The following PCDHGA1 variants were observed in gnomAD, a reference collection of about 807,000 sequenced individuals.
PCDHGA1 encodes the protein protocadherin gamma subfamily A, 1.
PCDHGA1 carries 32 observed loss-of-function variants against 58.0 expected under a neutral mutation model. The ratio of observed to expected loss-of-function variants is 0.55; its 90% CI spans 0.42 to 0.74. PCDHGA1 has a LOEUF of 0.74. PCDHGA1 is among the 30% of genes least tolerant of loss of function. PCDHGA1 has a pLI of 0.00. For missense variants in PCDHGA1, 1,205 were observed against 1,182.3 expected (o/e 1.02, Z -0.28); for synonymous variants, 498 against 501.1 (o/e 0.99, Z 0.08).
At chr5:141,409,331 G>A (rs1447189643) in intron 1 of PCDHGA1, 1 of 1,613,818 alleles carries the variant, frequency 6.2e-7, no homozygotes, top group African/African-American at 1.3e-5. Context: ...TCTGGATTTC[G>A]GAGGAAATGG....
chr5:141,341,027 G>T lies in PCDHGA1; in HGVS notation c.2421+7922G>T, dbSNP rs374361232. On this transcript the variant is annotated intron_variant, in intron 1 of 3. Coordinates refer to ENST00000517417, the MANE Select transcript of PCDHGA1 (RefSeq NM_018912.3). ...CCTCGAGCCCTCCGCCATACCCAAC[G>T]ATTCGGACCTCACTCTGTACCTGGT... 6.8e-6 allele frequency: 11 copies of T among 1,614,034 alleles called. No homozygotes were observed. In the South Asian group the frequency reaches 8.8e-5, roughly 13 times the overall value.
chr5:141,404,109 TCCAGGAGAATCTATCTTTTA>T, intron 1 of PCDHGA1: 1 of 1,613,518 alleles, frequency 6.2e-7, no homozygotes, highest in East Asian at 2.2e-5. Flanking sequence ...GTCTGTTCTA[TCCAGGAGAATCTATCTTTTA>T]CATTAGAAAA....
chr5:141,371,078 C>A (rs776361776), intron 1 of PCDHGA1: 1 of 1,613,770 alleles, frequency 6.2e-7, no homozygotes, highest in African/African-American at 1.3e-5. Context: ...CCACCCAGAT[C>A]AGGGTAATTG....
At chr5:141,405,407 C>A (rs1252757330) in intron 1 of PCDHGA1, 3 of 1,582,052 alleles carry the variant, frequency 1.9e-6, no homozygotes, top group Non-Finnish European at 2.6e-6. Flanking sequence ...TCTTTCTTTT[C>A]TTTTTTTGTT....
At chr5:141,393,270 C>A in intron 1 of PCDHGA1, 1 of 1,613,916 alleles carries the variant, frequency 6.2e-7, no homozygotes, top group East Asian at 2.2e-5. Context: ...AGCACGTTAT[C>A]CACTCCCAGA....
intron 1 of PCDHGA1, chr5:141,345,830 C>G (rs1367186879): frequency 6.2e-7 from 1 of 1,613,454 alleles, no homozygotes; most frequent in African/African-American, 1.3e-5. Flanking sequence ...GAGACTCGGG[C>G]CAGAACGCCT....
At chr5:141,339,536 A>G (rs761884444) in intron 1 of PCDHGA1, 2 of 1,614,178 alleles carry the variant, frequency 1.2e-6, no homozygotes, top group Non-Finnish European at 1.7e-6. Flanking sequence ...AGCTGATGGG[A>G]ACAAGTACCC....
intron 1 of PCDHGA1, among the ~76,000 whole-genome samples, chr5:141,407,609 TG>T (rs2094960291): frequency 1.3e-5 from 2 of 152,162 alleles, no homozygotes; most frequent in Admixed American, 1.3e-4. Flanking sequence ...AAAGAAGCAT[TG>T]GTTGACATTC....
chr5:141,486,869 C>G lies in PCDHGA1; in HGVS notation c.2422-7938C>G. On this transcript the variant is annotated intron_variant, in intron 1 of 3. Transcript: ENST00000517417. This position sits in a 1 kb window ranked among gnomAD's most constrained non-coding sequence, Gnocchi z 5.0. ...CCTCAATGACAATGCTCCAGCTGTG[C>G]TCCGTCCTCGGGCCCGGCCTGGTTC... The G allele has an allele frequency of 6.2e-7, 1 of 1,614,246 alleles. No homozygotes were observed. The highest frequency in any genetic ancestry group is 8.5e-7 in the Non-Finnish European group (1 of 1,180,042).
Position 141,409,505 on chromosome 5 carries a change from A to G in PCDHGA1, c.2421+76400A>G, listed in dbSNP as rs1361558030. 5.6e-6 allele frequency: 9 copies of G among 1,614,036 alleles called. No homozygotes were observed. In the Middle Eastern group the frequency reaches 4.9e-4, roughly 89 times the overall value. On this transcript the variant is annotated intron_variant, in intron 1 of 3. Coordinates refer to ENST00000517417, the MANE Select transcript of PCDHGA1 (RefSeq NM_018912.3). Reference sequence around the variant, plus strand: ...CAGGGGCAAGCCGCCTCTTTCTTCCAGTAGAAGCATCACCTTGTATGTCGC... The same window carrying G: ...CAGGGGCAAGCCGCCTCTTTCTTCCGGTAGAAGCATCACCTTGTATGTCGC...
At chr5:141,372,381 A>G in intron 1 of PCDHGA1, 1 of 1,613,964 alleles carries the variant, frequency 6.2e-7, no homozygotes, top group Admixed American at 1.7e-5. Flanking sequence ...GCTGCACCTA[A>G]TCTTCGCAGA....
intron 1 of PCDHGA1, chr5:141,352,271 C>T (rs1180338147): frequency 6.2e-7 from 1 of 1,613,978 alleles, no homozygotes; most frequent in Non-Finnish European, 8.5e-7. Flanking sequence ...ATTGCCAGAC[C>T]TCAGCGACCG....
At chr5:141,495,974 CTCTT>C (rs1562171251) in intron 2 of PCDHGA1, among the ~76,000 whole-genome samples, 2 of 152,032 alleles carry the variant, frequency 1.3e-5, no homozygotes, top group Non-Finnish European at 1.5e-5. Context: ...TTCTCTGTTA[CTCTT>C]TCTTTATCTC....
At chr5:141,408,558 T>A (rs748858215) in intron 1 of PCDHGA1, 48 of 1,613,898 alleles carry the variant, frequency 3.0e-5, no homozygotes, top group Non-Finnish European at 5.9e-6. Context: ...ATTTTTCATG[T>A]CATTGTGGTG....
chr5:141,389,533 T>C (rs2091811622), intron 1 of PCDHGA1: 4 of 1,613,216 alleles, frequency 2.5e-6, no homozygotes, highest in South Asian at 2.2e-5. Flanking sequence ...CGCGTGTTAG[T>C]GGACGACCGC....
At chr5:141,338,943 G>T in intron 1 of PCDHGA1, 1 of 1,523,058 alleles carries the variant, frequency 6.6e-7, no homozygotes, top group South Asian at 1.3e-5. Flanking sequence ...GCTGGAAGTT[G>T]ACTCGGAGAA....
At chr5:141,433,321 G>T in intron 1 of PCDHGA1, 1 of 788,106 alleles carries the variant, frequency 1.3e-6, no homozygotes. Flanking sequence ...TGCCTCCGGT[G>T]TAACAGGGAC....
At chr5:141,357,190 G>C (rs1760504404) in intron 1 of PCDHGA1, 1 of 1,613,670 alleles carries the variant, frequency 6.2e-7, no homozygotes, top group Admixed American at 1.7e-5. Context: ...CACTGTGGCT[G>C]TGGCCGACAG....
At chr5:141,371,946 C>T (rs200127619) in intron 1 of PCDHGA1, 98 of 1,613,142 alleles carry the variant, frequency 6.1e-5, no homozygotes, top group East Asian at 3.6e-4. Context: ...GTTCGCGCAG[C>T]GAGCCTTCGA....
Sources: allele counts gnomAD v4.1 joint callset (sites outside exome capture counted in the v4.1 genomes callset), GRCh38; gene constraint gnomAD v4.1.1; non-coding constraint Gnocchi (gnomAD v3.1); transcripts MANE v1.5; gene names NCBI Gene and HGNC (gene_info 2026-07-23, HGNC 2026-07-21).